CTTNBP2: variants seen among roughly 807,000 people sequenced by gnomAD.
CTTNBP2 encodes cortactin binding protein 2, also known as cortactin-binding protein 2.
A neutral mutation model predicts 156.9 loss-of-function variants in CTTNBP2; 108 were observed. The ratio of observed to expected loss-of-function variants is 0.69; its 90% CI spans 0.59 to 0.81. CTTNBP2 has a LOEUF of 0.81. Among genes scored for constraint, CTTNBP2 ranks in the 30% least tolerant of loss-of-function variants. The probability of loss-of-function intolerance (pLI) is 0.00; values close to 1 mark genes in which losing one functional copy is unlikely to be tolerated. For synonymous variants in CTTNBP2, 767 were observed against 751.8 expected (o/e 1.02, Z -0.33); for missense variants, 1,924 against 2,035.4 (o/e 0.95, Z 1.05).
At chr7:117,794,875 ATCTT>A (rs1799226178) in intron 3 of CTTNBP2, among the ~76,000 whole-genome samples, 3 of 124,108 alleles carry the variant, frequency 2.4e-5, no homozygotes, top group African/African-American at 1.0e-4. Flanking sequence ...TTATATGTAT[ATCTT>A]TTTTTTTTTT....
chr7:117,753,558 G>A (rs960149882), intron 12 of CTTNBP2, among the ~76,000 whole-genome samples: 13 of 152,128 alleles, frequency 8.5e-5, no homozygotes, highest in Non-Finnish European at 1.6e-4. Flanking sequence ...TATACACCAT[G>A]GAATACTAAG....
At chr7:117,717,674 T>TATCTTAGATTTCAGGCATCACC (rs1794505225) in intron 22 of CTTNBP2, among the ~76,000 whole-genome samples, 1 of 151,774 alleles carries the variant, frequency 6.6e-6, no homozygotes, top group Admixed American at 6.6e-5. Context: ...ACTTTGGTAC[T>TATCTTAGATTTCAGGCATCACC]ATCTTAGATT....
At position 117,821,588 on chromosome 7, in the gene CTTNBP2, A is replaced by ATT. The variant is rs61303861; in HGVS notation, c.190-10601_190-10600dup. Among the ~76,000 whole-genome samples the ATT allele has an allele frequency of 7.9e-4, 106 of 134,666 alleles. 3 individuals carry two copies. The highest frequency in any genetic ancestry group is 2.2e-3 in the African/African-American group (82 of 36,528). The allele number at this position is 134,666 out of a possible 152,430, so 88.3% of individuals were successfully genotyped here. A position where few individuals can be genotyped will look rare whatever the true frequency, so the allele number is the denominator to read the frequency against. Reference sequence around the variant, plus strand: ...TCAATTTGCTAATATTCTGTTTAGGATTTTTTTTTTTTTTTTTTGAGACGA... The same window carrying ATT: ...TCAATTTGCTAATATTCTGTTTAGGATTTTTTTTTTTTTTTTTTTTGAGACGA... On this transcript the variant is annotated intron_variant, in intron 2 of 22. Transcript: ENST00000160373.
At chr7:117,734,828 A>T in intron 16 of CTTNBP2, 85 bp downstream of exon 16, 1 of 1,047,836 alleles carries the variant, frequency 9.5e-7, no homozygotes, top group East Asian at 2.6e-5. Context: ...CTGCATAGTT[A>T]GTGAGTGGTG....
intron 2 of CTTNBP2, among the ~76,000 whole-genome samples, chr7:117,811,816 A>T (rs1248969214): frequency 2.0e-5 from 3 of 150,372 alleles, no homozygotes; most frequent in Non-Finnish European, 3.0e-5. Flanking sequence ...TAATGTAAAA[A>T]TTTTAATTAA....
chr7:117,847,598 C>A (rs1802665789), intron 2 of CTTNBP2, among the ~76,000 whole-genome samples: 1 of 152,122 alleles, frequency 6.6e-6, no homozygotes, highest in South Asian at 2.1e-4. Context: ...TATTTCAGGG[C>A]TATAGAAAAA....
chr7:117,713,490 GA>G (rs1794171495), intron 22 of CTTNBP2, among the ~76,000 whole-genome samples: 1 of 152,044 alleles, frequency 6.6e-6, no homozygotes, highest in South Asian at 2.1e-4. Context: ...AATTTAGCAG[GA>G]AATCCTCAGT....
chr7:117,839,125 T>C (rs1422656009), intron 2 of CTTNBP2, among the ~76,000 whole-genome samples: 19 of 152,146 alleles, frequency 1.2e-4, no homozygotes, highest in Admixed American at 9.2e-4. Flanking sequence ...AGTGGGAACC[T>C]GCCTGTAATT....
At chr7:117,840,233 T>C (rs1171711867) in intron 2 of CTTNBP2, among the ~76,000 whole-genome samples, 5 of 152,072 alleles carry the variant, frequency 3.3e-5, no homozygotes, top group Admixed American at 3.3e-4. Context: ...ATATCTTTTG[T>C]GGAAAAGCAG....
At chr7:117,777,178 C>A (rs1021934317) in intron 8 of CTTNBP2, among the ~76,000 whole-genome samples, 1 of 152,130 alleles carries the variant, frequency 6.6e-6, no homozygotes, top group Non-Finnish European at 1.5e-5. Flanking sequence ...CTCTAACTAG[C>A]AGCATGGTGT....
intron 3 of CTTNBP2, among the ~76,000 whole-genome samples, chr7:117,801,669 A>C (rs953094311): frequency 9.2e-5 from 14 of 152,218 alleles, no homozygotes; most frequent in African/African-American, 3.1e-4. Context: ...AATATTTAGG[A>C]GTAAAAAACC....
intron 6 of CTTNBP2, 67 bp from the exon 7 acceptor site, chr7:117,780,658 G>A (rs1024624998): frequency 4.9e-5 from 46 of 934,536 alleles, no homozygotes; most frequent in Admixed American, 8.5e-5. Context: ...ACCTAACCAA[G>A]ATATTAAATA....
At chr7:117,783,244 G>GT (rs1021683372) in intron 5 of CTTNBP2, among the ~76,000 whole-genome samples, 69 of 152,032 alleles carry the variant, frequency 4.5e-4, no homozygotes, top group African/African-American at 1.6e-3. Context: ...TTGCTGCTGA[G>GT]TAAAAAAAAA....
At chr7:117,793,855 G>A (rs971367087) in intron 3 of CTTNBP2, among the ~76,000 whole-genome samples, 10 of 152,188 alleles carry the variant, frequency 6.6e-5, no homozygotes, top group Admixed American at 4.6e-4. Flanking sequence ...GCTCCCAATA[G>A]CACAAGAGGT....
At chr7:117,735,184 G>A (rs771559350) in intron 15 of CTTNBP2, 84 bp from the exon 16 acceptor site, 361 of 1,584,670 alleles carry the variant, frequency 2.3e-4, no homozygotes, top group Non-Finnish European at 2.9e-4. Flanking sequence ...TAAAGAACAT[G>A]AAGTATAACT....
At chr7:117,832,212 T>C (rs1801653158) in intron 2 of CTTNBP2, among the ~76,000 whole-genome samples, 1 of 152,086 alleles carries the variant, frequency 6.6e-6, no homozygotes, top group African/African-American at 2.4e-5. Flanking sequence ...AGGACTATAA[T>C]GGCTACATCC....
chr7:117,721,233 G>C, intron 19 of CTTNBP2, 103 bp from the exon 20 acceptor site: 1 of 749,746 alleles, frequency 1.3e-6, no homozygotes, highest in Admixed American at 2.3e-5. Context: ...CTTTCATACT[G>C]TTCTTGGATT....
In CTTNBP2 at chr7:117,735,131, C is replaced by G. The variant is rs773997857; in HGVS notation, c.3689-31G>C. The G allele has an allele frequency of 2.9e-5, 46 of 1,604,106 alleles. No homozygotes were observed. The Admixed American group carries it at 2.9e-4, about 10-fold the overall frequency. On this transcript the variant is annotated intron_variant, in intron 15 of 22. Transcript: ENST00000160373. ...ACAAACCAAAAAGCAATGGCCCATC[C>G]TCAGTGAGTTATGTTATGGGACAGA... is the stretch of plus-strand genomic sequence containing the variant.
At chr7:117,803,946 G>A (rs1392308613) in intron 3 of CTTNBP2, among the ~76,000 whole-genome samples, 1 of 151,954 alleles carries the variant, frequency 6.6e-6, no homozygotes, top group Non-Finnish European at 1.5e-5. Flanking sequence ...TCAAAAGCCT[G>A]GCCTTTATTT....
Sources: gnomAD v4.1 joint callset for allele counts (sites outside exome capture counted in the v4.1 genomes callset) on GRCh38, gnomAD v4.1.1 for gene constraint, MANE v1.5 for transcripts, NCBI Gene and HGNC (gene_info 2026-07-23, HGNC 2026-07-21) for gene names.